The following TCF7L1 variants were observed in gnomAD, a reference collection of about 807,000 sequenced individuals.
TCF7L1 encodes transcription factor 7 like 1.
Under a neutral mutation model 63.7 loss-of-function variants are expected in TCF7L1, and 18 were observed. The ratio of observed to expected loss-of-function variants is 0.28; its 90% confidence interval spans 0.20 to 0.42. The LOEUF (loss-of-function observed/expected upper bound fraction) is 0.42, where lower values mean the gene tolerates loss of function less well. Ranked by LOEUF, TCF7L1 falls within the 10% of genes least tolerant of loss-of-function variation. TCF7L1 has a pLI of 1.00. For missense variants in TCF7L1, 654 were observed against 779.3 expected (o/e 0.84, Z 1.91); for synonymous variants, 355 against 340.9 (o/e 1.04, Z -0.46).
intron 10 of TCF7L1, among the ~76,000 whole-genome samples, chr2:85,307,039 A>G (rs1173913208): frequency 6.6e-6 from 1 of 152,162 alleles, no homozygotes; most frequent in Non-Finnish European, 1.5e-5. Context: ...AGGTGTTTTA[A>G]TTCTCAGGAG....
rs560743248 is a variant in TCF7L1, at chr2:85,302,144, C to CA, written c.526-330dup. 5.2e-3 allele frequency among the ~76,000 whole-genome samples: 758 copies of CA among 146,840 alleles called. 8 individuals are homozygous for CA. Among genetic ancestry groups the CA allele is most frequent in the African/African-American group, 0.017 (693 of 40,152 alleles). On this transcript the variant is annotated intron_variant, in intron 4 of 11. Coordinates refer to ENST00000282111, the MANE Select transcript of TCF7L1 (RefSeq NM_031283.3). The stretch of plus-strand genomic sequence containing the variant: ...CTCCATCTCAAAAAACAAAACAAAA[C>CA]AAAAAAAAAACCTTTTTAGATTCAA...
chr2:85,193,785 G>A (rs977259030), intron 3 of TCF7L1, among the ~76,000 whole-genome samples: 3 of 152,164 alleles, frequency 2.0e-5, no homozygotes, highest in South Asian at 2.1e-4. Context: ...TAGACAAAAG[G>A]GGACATCATG....
chr2:85,138,369 TGAA>T (rs1323802327), intron 3 of TCF7L1, among the ~76,000 whole-genome samples: 1 of 152,218 alleles, frequency 6.6e-6, no homozygotes, highest in African/African-American at 2.4e-5. Context: ...TGTATATGTA[TGAA>T]GAAGTTGTCT....
At chr2:85,290,604 CAGCTT>C (rs1389597237) in intron 4 of TCF7L1, among the ~76,000 whole-genome samples, 1 of 152,174 alleles carries the variant, frequency 6.6e-6, no homozygotes, top group Non-Finnish European at 1.5e-5. Context: ...TTCTCCTAGT[CAGCTT>C]AGCTTGGTAT....
chr2:85,207,968 G>T (rs1018317728), intron 3 of TCF7L1, among the ~76,000 whole-genome samples: 1 of 151,946 alleles, frequency 6.6e-6, no homozygotes, highest in Non-Finnish European at 1.5e-5. Flanking sequence ...GTTCAGTGGC[G>T]CCATCTCGGC....
At chr2:85,250,563 A>G (rs1234885901) in intron 3 of TCF7L1, among the ~76,000 whole-genome samples, 1 of 151,892 alleles carries the variant, frequency 6.6e-6, no homozygotes, top group Non-Finnish European at 1.5e-5. Flanking sequence ...CAGCCTCCTG[A>G]GTAGCTGGGA....
chr2:85,159,894 C>T (rs1374638763), intron 3 of TCF7L1, among the ~76,000 whole-genome samples: 2 of 152,158 alleles, frequency 1.3e-5, no homozygotes, highest in African/African-American at 4.8e-5. Flanking sequence ...CTGTTGCTTC[C>T]CCCTTTGTTT....
At chr2:85,147,878 T>C (rs2568217) in intron 3 of TCF7L1, among the ~76,000 whole-genome samples, 102,148 of 151,944 alleles carry the variant, frequency 0.67, 34,582 homozygotes, top group East Asian at 0.91. Context: ...GGCTTACATC[T>C]GGATAAACCC....
At chr2:85,143,404 G>A (rs1254844093) in intron 3 of TCF7L1, among the ~76,000 whole-genome samples, 1 of 152,198 alleles carries the variant, frequency 6.6e-6, no homozygotes, top group Non-Finnish European at 1.5e-5. Flanking sequence ...CAAATATGAG[G>A]TAAAATGGCT....
intron 3 of TCF7L1, among the ~76,000 whole-genome samples, chr2:85,162,234 T>G (rs2104222018): frequency 6.6e-6 from 1 of 152,018 alleles, no homozygotes; most frequent in African/African-American, 2.4e-5. Flanking sequence ...GACCCTTCTC[T>G]CTCAAAAAAA....
At chr2:85,259,267 C>G (rs1680800348) in intron 3 of TCF7L1, among the ~76,000 whole-genome samples, 1 of 152,240 alleles carries the variant, frequency 6.6e-6, no homozygotes, top group African/African-American at 2.4e-5. Context: ...AGCGCCCCGC[C>G]AATCCCCGTG....
intron 3 of TCF7L1, among the ~76,000 whole-genome samples, chr2:85,203,125 G>A (rs377572637): frequency 3.9e-4 from 59 of 152,110 alleles, no homozygotes; most frequent in East Asian, 1.6e-3. Context: ...ATGAGCCACC[G>A]CGCCCGCCCA....
intron 3 of TCF7L1, among the ~76,000 whole-genome samples, chr2:85,276,818 A>T (rs928644621): frequency 6.6e-6 from 1 of 152,182 alleles, no homozygotes; most frequent in Non-Finnish European, 1.5e-5. Context: ...CCAAGGGCAG[A>T]CAGAGTGTGC....
At chr2:85,258,533 G>A (rs145946240) in intron 3 of TCF7L1, among the ~76,000 whole-genome samples, 1 of 152,284 alleles carries the variant, frequency 6.6e-6, no homozygotes, top group East Asian at 1.9e-4. Context: ...AATGGTGGGG[G>A]TGCCAGATCA....
rs1681472280 is a variant in TCF7L1 at position 85,283,517 on chromosome 2, T to A, written c.464T>A (p.Leu155His). Reference protein sequence around the residue: ...ARTYLQMKWPLLDVPSSATVK... With the variant: ...ARTYLQMKWPHLDVPSSATVK... ...CAGTACCTGCAGATGAAATGGCCCC[T>A]CCTCGATGTCCCCTCCAGCGCCACA... The change falls in exon 4 of 12, where the codon CTC becomes CAC. Residue 155 changes from leucine to histidine, a missense_variant. Transcript: ENST00000282111. The A allele has an allele frequency of 6.2e-7, 1 of 1,614,118 alleles. No individual in the cohort carries two copies. The highest frequency in any genetic ancestry group is 8.5e-7 in the Non-Finnish European group (1 of 1,180,014).
chr2:85,242,534 T>G (rs72934626), intron 3 of TCF7L1, among the ~76,000 whole-genome samples: 19,608 of 152,212 alleles, frequency 0.13, 2,075 homozygotes, highest in African/African-American at 0.29. Context: ...CACCCGGCTG[T>G]GCCCGCTTCT....
At chr2:85,279,563 C>T (rs775746033) in intron 3 of TCF7L1, among the ~76,000 whole-genome samples, 10 of 152,178 alleles carry the variant, frequency 6.6e-5, no homozygotes, top group Non-Finnish European at 1.0e-4. Flanking sequence ...CCCCAATTCA[C>T]GGTTCTGGGA....
intron 3 of TCF7L1, among the ~76,000 whole-genome samples, chr2:85,183,495 T>C (rs1372553728): frequency 2.0e-5 from 3 of 152,210 alleles, no homozygotes; most frequent in Non-Finnish European, 4.4e-5. Flanking sequence ...GACATGTCTT[T>C]CTTGGTGTCT....
At chr2:85,258,689 T>C (rs1334606155) in intron 3 of TCF7L1, among the ~76,000 whole-genome samples, 3 of 152,288 alleles carry the variant, frequency 2.0e-5, no homozygotes, top group East Asian at 1.9e-4. Context: ...GTTATAACTT[T>C]TACATGTGTA....
Sources: gnomAD v4.1 joint callset for allele counts (sites outside exome capture counted in the v4.1 genomes callset) on GRCh38, gnomAD v4.1.1 for gene constraint, MANE v1.5 for transcripts, NCBI Gene and HGNC (gene_info 2026-07-23, HGNC 2026-07-21) for gene names.